The following ZNF609 variants were observed in gnomAD, a reference collection of about 807,000 sequenced individuals.
The protein encoded by ZNF609 is zinc finger protein 609.
In ZNF609, 11 loss-of-function variants were observed where a neutral mutation model predicts 109.5. The ratio of observed to expected loss-of-function variants is 0.10; its 90% CI spans 0.06 to 0.17. ZNF609 has a LOEUF of 0.17. ZNF609 is among the 10% of genes least tolerant of loss of function. ZNF609 has a pLI of 1.00. For missense variants in ZNF609, 1,559 were observed against 1,772.4 expected (o/e 0.88, Z 2.16); for synonymous variants, 646 against 662.0 (o/e 0.98, Z 0.37).
intron 2 of ZNF609, among the ~76,000 whole-genome samples, chr15:64,508,900 T>C (rs1051947879): frequency 2.6e-5 from 4 of 152,000 alleles, no homozygotes; most frequent in Non-Finnish European, 5.9e-5. Flanking sequence ...TACTATGTTG[T>C]TCAGGCTAGT....
At chr15:64,579,830 G>A (rs959937908) in intron 2 of ZNF609, among the ~76,000 whole-genome samples, 5 of 152,058 alleles carry the variant, frequency 3.3e-5, no homozygotes, top group African/African-American at 1.2e-4. Flanking sequence ...TTATGCAGTT[G>A]TCTTTTAAGT....
intron 5 of ZNF609, among the ~76,000 whole-genome samples, chr15:64,677,276 T>C (rs1896821969): frequency 6.6e-6 from 1 of 152,032 alleles, no homozygotes; most frequent in South Asian, 2.1e-4. Context: ...TTGCCCAGGC[T>C]GGTCTTGAAC....
chr15:64,680,106 C>A, intron 6 of ZNF609, 79 bp from the exon 7 acceptor site: 1 of 1,483,230 alleles, frequency 6.7e-7, no homozygotes, highest in Non-Finnish European at 9.3e-7. Context: ...AAAGCTGATG[C>A]CCACCCAATC....
At chr15:64,651,216 A>T (rs1292055895) in intron 3 of ZNF609, among the ~76,000 whole-genome samples, 2 of 152,192 alleles carry the variant, frequency 1.3e-5, no homozygotes, top group Non-Finnish European at 2.9e-5. Context: ...CATTTTTGTC[A>T]TGTAGTCCCA....
intron 1 of ZNF609, among the ~76,000 whole-genome samples, chr15:64,484,847 G>T (rs992932339): frequency 3.3e-5 from 5 of 151,722 alleles, no homozygotes; most frequent in African/African-American, 1.2e-4. Flanking sequence ...GGTGGCGCTT[G>T]CCTGTAGTCC....
intron 3 of ZNF609, among the ~76,000 whole-genome samples, chr15:64,646,847 G>A (rs1489199800): frequency 6.7e-6 from 1 of 150,064 alleles, no homozygotes; most frequent in African/African-American, 2.5e-5. Flanking sequence ...GGCTGAGGCA[G>A]GAGAATCGCT....
intron 2 of ZNF609, chr15:64,529,279 A>T (rs952570659): frequency 1.4e-6 from 1 of 715,156 alleles, no homozygotes. Context: ...CCCATCACAA[A>T]CATGGGGGCA....
intron 2 of ZNF609, among the ~76,000 whole-genome samples, chr15:64,505,954 AAC>A (rs1595701732): frequency 6.6e-6 from 1 of 152,024 alleles, no homozygotes; most frequent in East Asian, 1.9e-4. Context: ...CAGCCTGGGC[AAC>A]AGAGTGAGAC....
intron 2 of ZNF609, among the ~76,000 whole-genome samples, chr15:64,574,253 T>G (rs746872102): frequency 1.9e-4 from 28 of 150,802 alleles, no homozygotes; most frequent in Non-Finnish European, 2.5e-4. Context: ...TTGTCAGTAG[T>G]TTTTTGTTTT....
intron 3 of ZNF609, among the ~76,000 whole-genome samples, chr15:64,655,989 C>T (rs941134573): frequency 2.6e-5 from 4 of 152,176 alleles, no homozygotes; most frequent in African/African-American, 9.7e-5. Context: ...TAGAAAACAG[C>T]ATGGATAAGT....
At chr15:64,613,050 G>A (rs981113444) in intron 2 of ZNF609, among the ~76,000 whole-genome samples, 10 of 151,998 alleles carry the variant, frequency 6.6e-5, no homozygotes, top group Non-Finnish European at 2.9e-5. Flanking sequence ...GGCCAGGCAT[G>A]GTGGGTCACA....
intron 3 of ZNF609, among the ~76,000 whole-genome samples, chr15:64,654,862 C>T (rs1209008491): frequency 1.3e-5 from 2 of 150,956 alleles, no homozygotes; most frequent in African/African-American, 2.4e-5. Context: ...TTTGGGAGGC[C>T]GAGGCAGGTG....
intron 3 of ZNF609, among the ~76,000 whole-genome samples, chr15:64,639,314 T>C (rs911678660): frequency 6.6e-6 from 1 of 152,198 alleles, no homozygotes; most frequent in Non-Finnish European, 1.5e-5. Context: ...TGTATTAATT[T>C]CCTGGGCTGC....
chr15:64,588,556 G>A (rs542479203), intron 2 of ZNF609, among the ~76,000 whole-genome samples: 72 of 151,242 alleles, frequency 4.8e-4, no homozygotes, highest in Admixed American at 1.8e-3. Flanking sequence ...TGTTGCCCAC[G>A]CTGGTCTCAA....
intron 3 of ZNF609, among the ~76,000 whole-genome samples, chr15:64,639,307 A>G (rs148561267): frequency 6.6e-6 from 1 of 152,306 alleles, no homozygotes; most frequent in East Asian, 1.9e-4. Flanking sequence ...TTGGGGCTGT[A>G]TTAATTTCCT....
chr15:64,500,188 C>G, intron 2 of ZNF609, 22 bp downstream of exon 2: 1 of 1,609,342 alleles, frequency 6.2e-7, no homozygotes. Flanking sequence ...CCAGATATGG[C>G]TGCCCACTGA....
At chr15:64,500,309 A>T in intron 2 of ZNF609, 143 bp downstream of exon 2, 1 of 1,160,762 alleles carries the variant, frequency 8.6e-7, no homozygotes, top group Non-Finnish European at 1.2e-6. Context: ...GCTGGTAATG[A>T]TAATGTGGTT....
chr15:64,662,180 C>A (rs1896587228), intron 3 of ZNF609, among the ~76,000 whole-genome samples: 1 of 152,102 alleles, frequency 6.6e-6, no homozygotes, highest in Non-Finnish European at 1.5e-5. Context: ...CTTAAGTGTT[C>A]TCACAAAATG....
chr15:64,646,502 C>T (rs1896335568), intron 3 of ZNF609, among the ~76,000 whole-genome samples: 1 of 151,052 alleles, frequency 6.6e-6, no homozygotes, highest in Non-Finnish European at 1.5e-5. Flanking sequence ...AGTTTGGTGG[C>T]ACACACCTGT....
Sources: allele counts gnomAD v4.1 joint callset (sites outside exome capture counted in the v4.1 genomes callset), GRCh38; gene constraint gnomAD v4.1.1; transcripts MANE v1.5; gene names NCBI Gene and HGNC (gene_info 2026-07-23, HGNC 2026-07-21).